The following PARP6 variants were observed in gnomAD, a reference collection of about 807,000 sequenced individuals.
The protein encoded by PARP6 is poly(ADP-ribose) polymerase family member 6.
In PARP6, 27 loss-of-function variants were observed where a neutral mutation model predicts 92.0. The observed-to-expected ratio is 0.29, with a 90% CI of 0.22 to 0.40. The LOEUF is 0.40. Among genes scored for constraint, PARP6 ranks in the 10% least tolerant of loss-of-function variants. The pLI is 1.00. For missense variants in PARP6, 501 were observed against 784.5 expected, an observed-to-expected ratio of 0.64 and a Z score of 4.32; for synonymous variants, 272 against 281.2, an observed-to-expected ratio of 0.97 and a Z score of 0.33.
Position 72,267,547 on chromosome 15 carries a change from A to G in PARP6, c.-70T>C. 1 of 1,566,398 alleles carries G rather than the reference A, an allele frequency of 6.4e-7. No homozygotes were observed. The highest frequency in any genetic ancestry group is 8.8e-7 in the Non-Finnish European group (1 of 1,136,974). On this transcript the variant is annotated 5_prime_UTR_variant, in exon 3 of 24. Transcript: ENST00000569795. ...ACCCCTCCATACCACTAGCCGAACC[A>G]AGGCCAACGAGATGGGCATTTAGGA... is the stretch of plus-strand genomic sequence containing the variant.
At position 72,269,023 on chromosome 15, in the gene PARP6, A is replaced by G. The variant is rs145683670; in HGVS notation, c.-194-1352T>C. Among the ~76,000 whole-genome samples, 253 of 152,340 alleles carry G rather than the reference A, an allele frequency of 1.7e-3. 3 individuals carry two copies. Among genetic ancestry groups the G allele is most frequent in the African/African-American group, 5.5e-3 (229 of 41,576 alleles). On this transcript the variant is annotated intron_variant, in intron 2 of 23. Transcript: ENST00000569795. ...GAAGGCTTTAATGGCTGAAGATGGC[A>G]AATCTACCCTAAAAGCAGGCTAAAA... is the stretch of plus-strand genomic sequence containing the variant.
rs12907377 is a variant in PARP6, at chr15:72,267,682, T to C, written c.-194-11A>G. On this transcript the variant is annotated splice_polypyrimidine_tract_variant and intron_variant, in intron 2 of 23. Transcript: ENST00000569795. ...TAACAAGTCACTGTCCTGTGGAAAG[T>C]AGATAATAATGGGTTTCATCACCAC... The C allele has an allele frequency of 0.025, 14,187 of 578,378 alleles. 315 individuals carry two copies. Among genetic ancestry groups the C allele is most frequent in the African/African-American group, 0.089 (4,780 of 53,522 alleles). 35.8% of individuals were successfully genotyped at this position (578,378 alleles called of 1,614,324 possible).
intron 16 of PARP6, 79 bp downstream of exon 16, chr15:72,253,358 T>C (rs2084631319): frequency 4.4e-6 from 5 of 1,141,232 alleles, no homozygotes; most frequent in Admixed American, 1.8e-5. Context: ...AAACCACCAC[T>C]AAAAGAAGGT....
intron 18 of PARP6, chr15:72,250,332 A>C: frequency 2.3e-6 from 1 of 434,030 alleles, no homozygotes; most frequent in East Asian, 3.8e-5. Context: ...CCCATCCTAA[A>C]TCCTCAACTG....
At position 72,265,075 on chromosome 15, in the gene PARP6, CT is replaced by C; in HGVS notation, c.328+5del. On this transcript the variant is annotated splice_donor_5th_base_variant and intron_variant, in intron 7 of 23. Transcript: ENST00000569795. The stretch of plus-strand genomic sequence containing the variant: ...CCACCCACTTGCCCAAAGTCACTGC[CT>C]TTACCTGGTCCATCTAGGTACTGGG... 6.2e-7 allele frequency: 1 copy of C among 1,604,810 alleles called. No homozygotes were observed. Among genetic ancestry groups the C allele is most frequent in the Non-Finnish European group, 8.5e-7 (1 of 1,171,640 alleles).
Position 72,253,385 on chromosome 15 carries a change from A to G in PARP6, c.1259+52T>C, listed in dbSNP as rs968338686. The G allele has an allele frequency of 6.6e-5, 95 of 1,429,856 alleles. 1 individual carries two copies. The highest frequency in any genetic ancestry group is 8.9e-5 in the Non-Finnish European group (90 of 1,012,164). The allele number at this position is 1,429,856 out of a possible 1,614,324, so 88.6% of individuals were successfully genotyped here. A position where few individuals can be genotyped will look rare whatever the true frequency, so the allele number is the denominator to read the frequency against. ...AAAGAAGGTACAGGTTCCATGTCCA[A>G]TAACTCCCTCCCTCCCCATAACCCA... On this transcript the variant is annotated intron_variant, in intron 16 of 23. Coordinates refer to ENST00000569795, the MANE Select transcript of PARP6 (RefSeq NM_001323532.2).
rs555221914 is a variant in PARP6 at position 72,261,917 on chromosome 15, C to A, written c.396-210G>T. Among the ~76,000 whole-genome samples, 312 of 152,150 alleles carry A rather than the reference C, an allele frequency of 2.1e-3. 1 individual carries two copies. Among genetic ancestry groups the A allele is most frequent in the Non-Finnish European group, 4.0e-3 (273 of 68,024 alleles). Reference sequence around the variant, plus strand: ...CCCTTCACCCTAGAGGGCACCTAGCCTAATGGCCAGAAAAATTCAGAGATG... The same window carrying A: ...CCCTTCACCCTAGAGGGCACCTAGCATAATGGCCAGAAAAATTCAGAGATG... On this transcript the variant is annotated intron_variant, in intron 8 of 23. Transcript: ENST00000569795.
chr15:72,260,733 T>C (rs183432088), intron 9 of PARP6, 45 bp from the exon 10 acceptor site: 61 of 1,468,736 alleles, frequency 4.2e-5, no homozygotes, highest in Non-Finnish European at 5.4e-5. Context: ...GGGGATTTCA[T>C]AGGATCCCTG....
At chr15:72,252,185 T>C (rs1002535940) in intron 16 of PARP6, among the ~76,000 whole-genome samples, 5 of 152,166 alleles carry the variant, frequency 3.3e-5, no homozygotes, top group African/African-American at 9.7e-5. Context: ...GGACATTCTA[T>C]ATCATCAAGG....
chr15:72,251,974 T>C (rs532055294), intron 16 of PARP6, among the ~76,000 whole-genome samples: 4 of 152,384 alleles, frequency 2.6e-5, no homozygotes, highest in African/African-American at 9.6e-5. Context: ...AGATGGTCTA[T>C]GCCTGGTTAT....
In PARP6 at chr15:72,266,748, A is replaced by T; in HGVS notation, c.78T>A (p.Val26=). 2.5e-6 allele frequency: 4 copies of T among 1,612,992 alleles called. No individual in the cohort carries two copies. The highest frequency in any genetic ancestry group is 3.4e-6 in the Non-Finnish European group (4 of 1,179,004). The change falls in exon 4 of 24, where the codon GTT becomes GTA. Residue 26 remains valine, a synonymous_variant. Transcript: ENST00000569795. ...DNESEEFLYG[V]QGSCAADLYR... is the part of the protein sequence containing the mutation. ...GTCTTGGGAGATGTAACCTCACCTG[A>T]ACGCCATAGAGAAATTCCTCTGATT... is the stretch of plus-strand genomic sequence containing the variant.
intron 20 of PARP6, among the ~76,000 whole-genome samples, chr15:72,248,620 A>G (rs755519743): frequency 1.9e-4 from 29 of 152,240 alleles, no homozygotes; most frequent in Non-Finnish European, 3.7e-4. Flanking sequence ...TCAAACAAGC[A>G]CAAAAGCAGA....
At chr15:72,251,353 A>G in intron 16 of PARP6, 98 bp from the exon 17 acceptor site, 1 of 717,284 alleles carries the variant, frequency 1.4e-6, no homozygotes, top group African/African-American at 1.8e-5. Context: ...TGGGAGAATA[A>G]ACAAGGATTC....
At position 72,256,596 on chromosome 15, in the gene PARP6, G is replaced by A. The variant is rs775972399; in HGVS notation, c.1000-6C>T. 2.0e-6 allele frequency: 3 copies of A among 1,528,768 alleles called. No individual in the cohort carries two copies. The highest frequency in any genetic ancestry group is 2.6e-6 in the Non-Finnish European group (3 of 1,142,516). 94.7% of individuals were successfully genotyped at this position (1,528,768 alleles called of 1,614,324 possible). A position where few individuals can be genotyped will look rare whatever the true frequency, so the allele number is the denominator to read the frequency against. ...GCCACCAGCAGATCCACCACCTTAGGGGAAAGGAAAAAAAACAGGGCAGAA... is the reference window on the plus strand; with the variant it reads ...GCCACCAGCAGATCCACCACCTTAGAGGAAAGGAAAAAAAACAGGGCAGAA... On this transcript the variant is annotated splice_polypyrimidine_tract_variant and splice_region_variant and intron_variant, in intron 13 of 23. Transcript: ENST00000569795.
At chr15:72,251,905 TAC>T (rs1294915524) in intron 16 of PARP6, among the ~76,000 whole-genome samples, 3 of 152,364 alleles carry the variant, frequency 2.0e-5, no homozygotes, top group Admixed American at 2.0e-4. Context: ...CCCATGTGGA[TAC>T]AGTTTGCTGT....
chr15:72,256,469 G>A lies in PARP6; in HGVS notation c.1121C>T (p.Pro374Leu). Residue 374 changes from proline to leucine, a missense_variant, in exon 14 of 24, where the codon CCT (proline) becomes CTT (leucine). Around this residue, in one of 4 missense-constraint regions of PARP6, gnomAD observed 191 missense variants for 399.1 expected, o/e 0.48. Transcript: ENST00000569795. The part of the protein sequence containing the change: ...PTDPKTLAFN[P>L]KKKNYERLQK... Reference sequence around the variant, plus strand: ...TGACTTTCTCAAGTAACATACCTTAGGGTTAAAGGCCAGAGTCTTGGGATC... The same window carrying A: ...TGACTTTCTCAAGTAACATACCTTAAGGTTAAAGGCCAGAGTCTTGGGATC... 6.4e-7 allele frequency: 1 copy of A among 1,557,338 alleles called. No homozygotes were observed. The highest frequency in any genetic ancestry group is 8.6e-7 in the Non-Finnish European group (1 of 1,157,960).
chr15:72,242,868 TAAC>T lies in PARP6; in HGVS notation c.1562-172_1562-170del, dbSNP rs2083211646. On this transcript the variant is annotated intron_variant, in intron 20 of 23. Transcript: ENST00000569795. This position sits in a 1 kb window ranked among gnomAD's most constrained non-coding sequence, Gnocchi z 4.3. ...GAAATTACAAGCAAGAACAAGTAAT[TAAC>T]AACACAGCATGGTAAGGGGTTGTGA... The T allele has an allele frequency of 6.8e-6, 4 of 590,468 alleles. No homozygotes were observed. The highest frequency in any genetic ancestry group is 3.2e-5 in the Admixed American group (1 of 30,824). The allele number at this position is 590,468 out of a possible 1,614,324, so 36.6% of individuals were successfully genotyped here. A position where few individuals can be genotyped will look rare whatever the true frequency, so the allele number is the denominator to read the frequency against.
In PARP6 at chr15:72,241,736, C is replaced by T. The variant is rs1215700878; in HGVS notation, c.1790+165G>A. Among the ~76,000 whole-genome samples the T allele has an allele frequency of 6.6e-6, 1 of 152,218 alleles. No individual in the cohort carries two copies. Among genetic ancestry groups the T allele is most frequent in the Non-Finnish European group, 1.5e-5 (1 of 68,040 alleles). The stretch of plus-strand genomic sequence containing the variant: ...TTTCCTCTAGATAGATCCCAACCAT[C>T]TATACCCATTCCCATCCTCCAATGG... On this transcript the variant is annotated intron_variant, in intron 23 of 23. Coordinates refer to ENST00000569795, the MANE Select transcript of PARP6 (RefSeq NM_001323532.2). The surrounding 1 kb of genome is among the most constrained non-coding windows in gnomAD (Gnocchi z 4.1).
Position 72,270,329 on chromosome 15 carries a change from C to T in PARP6, c.-195+694G>A, listed in dbSNP as rs142795864. ...ACAGCAAATAGCAAAATGTTGATTA[C>T]TGGTGAAGCTATGTGACGTACATGA... On this transcript the variant is annotated intron_variant, in intron 2 of 23. Transcript: ENST00000569795. 1.2e-3 allele frequency among the ~76,000 whole-genome samples: 181 copies of T among 152,252 alleles called. No homozygotes were observed. In the Middle Eastern group the frequency reaches 0.017, roughly 14 times the overall value.
Sources: gnomAD v4.1 joint callset for allele counts (sites outside exome capture counted in the v4.1 genomes callset) on GRCh38, gnomAD v4.1.1 for gene constraint, gnomAD v4.1.1 regional missense constraint, Gnocchi (gnomAD v3.1) non-coding constraint, MANE v1.5 for transcripts, NCBI Gene and HGNC (gene_info 2026-07-23, HGNC 2026-07-21) for gene names.